PDK1: variants seen among roughly 807,000 people sequenced by gnomAD.
The protein encoded by PDK1 is pyruvate dehydrogenase kinase 1.
PDK1 carries 39 observed loss-of-function variants against 54.2 expected under a neutral mutation model. The observed-to-expected ratio is 0.72, with a 90% CI of 0.56 to 0.94. The LOEUF (loss-of-function observed/expected upper bound fraction) is 0.94. Among genes scored for constraint, PDK1 ranks in the 40% least tolerant of loss-of-function variants. The probability of loss-of-function intolerance (pLI) is 0.00; values close to 1 mark genes in which losing one functional copy is unlikely to be tolerated. For missense variants in PDK1, 552 were observed against 566.0 expected (o/e 0.98, Z 0.25); for synonymous variants, 221 against 207.1 (o/e 1.07, Z -0.58).
At chr2:172,563,859 C>T (rs1246010407) in intron 3 of PDK1, among the ~76,000 whole-genome samples, 3 of 151,890 alleles carry the variant, frequency 2.0e-5, no homozygotes, top group African/African-American at 4.8e-5. Flanking sequence ...CTTATTTTCT[C>T]TTTTATTTAG....
chr2:172,614,688 G>A, the PDK1 span, among the ~76,000 whole-genome samples: 2 of 152,168 alleles, frequency 1.3e-5, no homozygotes, highest in Non-Finnish European at 2.9e-5. Flanking sequence ...CCACTCCTCT[G>A]AGCTGTTCCA....
chr2:172,615,503 A>T, the PDK1 span, among the ~76,000 whole-genome samples: 1 of 152,064 alleles, frequency 6.6e-6, no homozygotes, highest in Non-Finnish European at 1.5e-5. Flanking sequence ...CGTGCCTGTA[A>T]TTCCAGCCAC....
intron 3 of PDK1, chr2:172,564,039 C>T (rs1487330312): frequency 4.2e-6 from 2 of 471,322 alleles, no homozygotes; most frequent in Admixed American, 4.7e-5. Flanking sequence ...TTCCTTCTCT[C>T]TTTGAACCCT....
chr2:172,557,843 C>G (rs566535601), intron 1 of PDK1, among the ~76,000 whole-genome samples: 13 of 151,972 alleles, frequency 8.6e-5, no homozygotes, highest in Non-Finnish European at 4.4e-5. Context: ...TCTTCCTATG[C>G]AAACATCAAA....
chr2:172,722,871 C>T, the PDK1 span, among the ~76,000 whole-genome samples: 3 of 151,998 alleles, frequency 2.0e-5, no homozygotes, highest in Middle Eastern at 3.2e-3. Flanking sequence ...CAGCCTTAAT[C>T]GGCTAAGTTA....
the PDK1 span, among the ~76,000 whole-genome samples, chr2:172,715,408 C>T: frequency 6.6e-6 from 1 of 152,318 alleles, no homozygotes; most frequent in East Asian, 1.9e-4. Flanking sequence ...AGATTACATA[C>T]CCTTTTGAAA....
intron 8 of PDK1, among the ~76,000 whole-genome samples, chr2:172,574,094 A>G (rs1689445714): frequency 6.6e-6 from 1 of 152,128 alleles, no homozygotes; most frequent in African/African-American, 2.4e-5. Context: ...ATCCATTTTG[A>G]GTTAAGTTTT....
chr2:172,637,745 G>C, the PDK1 span, among the ~76,000 whole-genome samples: 3 of 152,116 alleles, frequency 2.0e-5, no homozygotes, highest in Non-Finnish European at 4.4e-5. Flanking sequence ...GTCCAGGCTA[G>C]AGTGTAGTGG....
chr2:172,626,722 G>A, the PDK1 span, among the ~76,000 whole-genome samples: 9 of 151,880 alleles, frequency 5.9e-5, no homozygotes, highest in South Asian at 2.1e-4. Context: ...TGAACCTGGC[G>A]GTTGAGGCTG....
At chr2:172,666,940 G>A in the PDK1 span, among the ~76,000 whole-genome samples, 1 of 152,180 alleles carries the variant, frequency 6.6e-6, no homozygotes, top group Non-Finnish European at 1.5e-5. Context: ...CGCAGACACA[G>A]AAAGTTTTGT....
At chr2:172,713,433 C>T in the PDK1 span, among the ~76,000 whole-genome samples, 435 of 152,294 alleles carry the variant, frequency 2.9e-3, 3 homozygotes, top group African/African-American at 9.8e-3. Context: ...CCAGGCTGTT[C>T]GAGCTGAGGG....
the PDK1 span, among the ~76,000 whole-genome samples, chr2:172,667,917 G>T: frequency 2.2e-3 from 341 of 152,318 alleles, no homozygotes; most frequent in African/African-American, 7.9e-3. Context: ...TAGGCTTCTT[G>T]CTTCCAAATG....
intron 8 of PDK1, 69 bp downstream of exon 8, chr2:172,570,893 A>T: frequency 2.4e-6 from 2 of 836,292 alleles, no homozygotes. Flanking sequence ...TGCAAAGGTA[A>T]CCATACGCAT....
At position 172,597,104 on chromosome 2, in the gene PDK1, CT is replaced by C. The variant is rs921481497; in HGVS notation, c.*1141del. ...GCCATCATTGCACGTGTCTTTTTTT[CT>C]TTTTTCTTTTTTTTTTTTCAAGACA... On this transcript the variant is annotated 3_prime_UTR_variant, in exon 11 of 11. Transcript: ENST00000282077. 2.0e-5 allele frequency: 3 copies of C among 151,424 alleles called. No individual in the cohort carries two copies. The highest frequency in any genetic ancestry group is 6.6e-5 in the Admixed American group (1 of 15,190). 9.4% of individuals were successfully genotyped at this position (151,424 alleles called of 1,614,324 possible).
chr2:172,717,854 T>C, the PDK1 span, among the ~76,000 whole-genome samples: 1 of 152,204 alleles, frequency 6.6e-6, no homozygotes, highest in Non-Finnish European at 1.5e-5. Context: ...TGGAGCTCAC[T>C]GGCCTCTAGT....
chr2:172,690,536 A>G, the PDK1 span, among the ~76,000 whole-genome samples: 2 of 149,898 alleles, frequency 1.3e-5, no homozygotes, highest in African/African-American at 4.9e-5. Flanking sequence ...ATGCTACTAT[A>G]AAGACACATG....
chr2:172,652,421 C>A, the PDK1 span, among the ~76,000 whole-genome samples: 8 of 152,286 alleles, frequency 5.3e-5, no homozygotes, highest in East Asian at 3.9e-4. Context: ...GACAGGGATG[C>A]CCTCTCTCAC....
the PDK1 span, among the ~76,000 whole-genome samples, chr2:172,630,853 C>T: frequency 1.3e-5 from 2 of 152,124 alleles, no homozygotes; most frequent in South Asian, 4.2e-4. Context: ...TGATTTTGAA[C>T]TCCTGACCTC....
chr2:172,616,584 G>A, the PDK1 span, among the ~76,000 whole-genome samples: 4 of 152,214 alleles, frequency 2.6e-5, no homozygotes, highest in African/African-American at 9.6e-5. Context: ...GGATGGAATA[G>A]GGAAAAGCAC....
Sources: gnomAD v4.1 joint callset for allele counts (sites outside exome capture counted in the v4.1 genomes callset) on GRCh38, gnomAD v4.1.1 for gene constraint, MANE v1.5 for transcripts, NCBI Gene and HGNC (gene_info 2026-07-23, HGNC 2026-07-21) for gene names.